The following ZMIZ1 variants were observed in gnomAD, a reference collection of about 807,000 sequenced individuals.
ZMIZ1 encodes zinc finger MIZ domain-containing protein 1.
A neutral mutation model predicts 113.9 loss-of-function variants in ZMIZ1; 17 were observed. The observed-to-expected ratio is 0.15, with a 90% CI of 0.10 to 0.22. The LOEUF (loss-of-function observed/expected upper bound fraction) is 0.22. Among genes scored for constraint, ZMIZ1 ranks in the 10% least tolerant of loss-of-function variants. ZMIZ1 has a pLI of 1.00. For missense variants in ZMIZ1, 1,059 were observed against 1,477.8 expected (o/e 0.72, Z 4.65); for synonymous variants, 607 against 603.1 (o/e 1.01, Z -0.09).
At chr10:79,087,659 T>C (rs1842859396) in intron 1 of ZMIZ1, among the ~76,000 whole-genome samples, 1 of 152,258 alleles carries the variant, frequency 6.6e-6, no homozygotes, top group Non-Finnish European at 1.5e-5. Context: ...TTAAAACTCC[T>C]TCGTGCCTCT....
chr10:79,139,251 G>A lies in ZMIZ1; in HGVS notation c.-226-431G>A, dbSNP rs185660945. Among the ~76,000 whole-genome samples the A allele has an allele frequency of 1.4e-3, 215 of 152,254 alleles. 3 individuals carry two copies. Among genetic ancestry groups the A allele is most frequent in the Admixed American group, 2.4e-3 (36 of 15,302 alleles). Reference sequence around the variant, plus strand: ...CTTTGGAAGTGGCTGCCGGCCGGCCGTGTGAGATAATTCCCCGAAGCCAGG... The same window carrying A: ...CTTTGGAAGTGGCTGCCGGCCGGCCATGTGAGATAATTCCCCGAAGCCAGG... On this transcript the variant is annotated intron_variant, in intron 2 of 24. Coordinates refer to ENST00000334512, the MANE Select transcript of ZMIZ1 (RefSeq NM_020338.4).
intron 5 of ZMIZ1, among the ~76,000 whole-genome samples, chr10:79,206,541 A>G (rs907725022): frequency 6.6e-6 from 1 of 152,094 alleles, no homozygotes; most frequent in Non-Finnish European, 1.5e-5. Flanking sequence ...AGAGGTGAGG[A>G]CCCGCCGCTG....
At chr10:79,102,285 C>T (rs1202974193) in intron 1 of ZMIZ1, among the ~76,000 whole-genome samples, 1 of 152,234 alleles carries the variant, frequency 6.6e-6, no homozygotes, top group Non-Finnish European at 1.5e-5. Context: ...AATCCCGGCT[C>T]TGGAAGTGTA....
At chr10:79,124,570 AG>A (rs1844434363) in intron 2 of ZMIZ1, among the ~76,000 whole-genome samples, 1 of 152,224 alleles carries the variant, frequency 6.6e-6, no homozygotes, top group Non-Finnish European at 1.5e-5. Context: ...GGTATCCAAT[AG>A]TGAATCTTCA....
At chr10:79,115,884 A>AT (rs1268047279) in intron 1 of ZMIZ1, among the ~76,000 whole-genome samples, 1 of 152,196 alleles carries the variant, frequency 6.6e-6, no homozygotes, top group Admixed American at 6.5e-5. Context: ...ACATGGAAGG[A>AT]TTTTGGTGGA....
rs574027088 is a variant in ZMIZ1, at chr10:79,289,655, C to T, written c.426-120C>T. ...AGGCCTGGGGGGTCCAGTACCGACT[C>T]GGATGGGGGTTACCTTGGACTGACT... On this transcript the variant is annotated intron_variant, in intron 8 of 24. Coordinates refer to ENST00000334512, the MANE Select transcript of ZMIZ1 (RefSeq NM_020338.4). The T allele has an allele frequency of 1.5e-5, 13 of 869,082 alleles. No homozygotes were observed. The East Asian group carries it at 1.5e-4, about 10-fold the overall frequency. The allele number at this position is 869,082 out of a possible 1,614,324, so 53.8% of individuals were successfully genotyped here.
At chr10:79,153,326 G>C (rs1845779441) in intron 3 of ZMIZ1, among the ~76,000 whole-genome samples, 1 of 152,222 alleles carries the variant, frequency 6.6e-6, no homozygotes, top group South Asian at 2.1e-4. Flanking sequence ...TGGCAGCCCA[G>C]GGCATTGGCA....
At chr10:79,209,192 G>T (rs964471974) in intron 6 of ZMIZ1, among the ~76,000 whole-genome samples, 1 of 151,558 alleles carries the variant, frequency 6.6e-6, no homozygotes, top group Non-Finnish European at 1.5e-5. Flanking sequence ...AGAGGGGGCA[G>T]GAGTGCTCGG....
At position 79,293,426 on chromosome 10, in the gene ZMIZ1, G is replaced by A. The variant is rs757776712; in HGVS notation, c.1003G>A (p.Gly335Arg). ...AYNSQFMNQP[G>R]PRGPASMGGS... ...TAACAGCCAATTCATGAACCAGCCC[G>A]GGCCGCGGGGGCCTGCCTCCATGGG... Residue 335 changes from glycine (G) to arginine (R), a missense_variant, in exon 12 of 25, where the codon GGG becomes AGG. This residue lies in a region of ZMIZ1 where 83 missense variants were observed against 103.7 expected (regional missense o/e 0.80). Transcript: ENST00000334512. 17 of 1,524,670 alleles carry A rather than the reference G, an allele frequency of 1.1e-5. No homozygotes were observed. Among genetic ancestry groups the A allele is most frequent in the Middle Eastern group, 1.8e-4 (1 of 5,642 alleles). 94.4% of individuals were successfully genotyped at this position (1,524,670 alleles called of 1,614,324 possible). A position where few individuals can be genotyped will look rare whatever the true frequency, so the allele number is the denominator to read the frequency against.
chr10:79,210,337 C>G (rs555041993), intron 6 of ZMIZ1, among the ~76,000 whole-genome samples: 38 of 152,358 alleles, frequency 2.5e-4, no homozygotes, highest in African/African-American at 9.1e-4. Context: ...GTCCTCTTGT[C>G]CATGCGTTCA....
chr10:79,082,848 TG>T (rs1842702094), intron 1 of ZMIZ1, among the ~76,000 whole-genome samples: 1 of 152,164 alleles, frequency 6.6e-6, no homozygotes, highest in African/African-American at 2.4e-5. Flanking sequence ...GTCCTGCTGG[TG>T]GGGCCTCGTG....
rs552298414 is a variant in ZMIZ1 at position 79,178,885 on chromosome 10, C to T, written c.-50+16752C>T. On this transcript the variant is annotated intron_variant, in intron 4 of 24. Transcript: ENST00000334512. ...GTGGCAACCATGGGCCGTGGATCTC[C>T]CAGACAGCCCTGCTCTCCCAAGCCA... Among the ~76,000 whole-genome samples the T allele has an allele frequency of 3.3e-5, 5 of 152,276 alleles. No homozygotes were observed. The South Asian group carries it at 1.0e-3, about 32-fold the overall frequency.
intron 6 of ZMIZ1, among the ~76,000 whole-genome samples, chr10:79,214,892 G>A (rs1226551499): frequency 6.6e-6 from 1 of 152,210 alleles, no homozygotes; most frequent in Non-Finnish European, 1.5e-5. Flanking sequence ...GGGACACCTG[G>A]GAATGGGTGG....
intron 23 of ZMIZ1, among the ~76,000 whole-genome samples, chr10:79,307,896 A>T (rs572178343): frequency 6.6e-6 from 1 of 152,066 alleles, no homozygotes; most frequent in East Asian, 1.9e-4. Context: ...TCCCTCTCCC[A>T]CTTGCACAAT....
chr10:79,197,480 G>A (rs1847876078), intron 4 of ZMIZ1, among the ~76,000 whole-genome samples: 1 of 152,154 alleles, frequency 6.6e-6, no homozygotes, highest in Non-Finnish European at 1.5e-5. Context: ...TCATGTGGAT[G>A]CTGGCTGAGG....
At chr10:79,273,283 ACCCTAAC>A (rs1347229855) in intron 7 of ZMIZ1, among the ~76,000 whole-genome samples, 3 of 151,834 alleles carry the variant, frequency 2.0e-5, no homozygotes, top group Non-Finnish European at 4.4e-5. Flanking sequence ...CCCCCTCCTG[ACCCTAAC>A]CCCCTTTCTG....
At chr10:79,264,001 C>T (rs1411807400) in intron 7 of ZMIZ1, among the ~76,000 whole-genome samples, 3 of 152,180 alleles carry the variant, frequency 2.0e-5, no homozygotes, top group African/African-American at 7.2e-5. Flanking sequence ...CCCCTCCTTA[C>T]CCTTCCATCT....
chr10:79,246,485 C>T (rs943924257), intron 7 of ZMIZ1, among the ~76,000 whole-genome samples: 1 of 152,220 alleles, frequency 6.6e-6, no homozygotes, highest in African/African-American at 2.4e-5. Context: ...GAGGCTGGCT[C>T]CTCCATGGGG....
chr10:79,265,764 C>A (rs988258409), intron 7 of ZMIZ1, among the ~76,000 whole-genome samples: 2 of 152,156 alleles, frequency 1.3e-5, no homozygotes, highest in African/African-American at 2.4e-5. Context: ...CCCTCAGCAG[C>A]CCCAGCAGCT....
Sources: gnomAD v4.1 joint callset for allele counts (sites outside exome capture counted in the v4.1 genomes callset) on GRCh38, gnomAD v4.1.1 for gene constraint, gnomAD v4.1.1 regional missense constraint, MANE v1.5 for transcripts, NCBI Gene and HGNC (gene_info 2026-07-23, HGNC 2026-07-21) for gene names.